TMEM236: variants seen among roughly 807,000 people sequenced by gnomAD.
The protein encoded by TMEM236 is family with sequence similarity 23, member A.
In TMEM236, 11 loss-of-function variants were observed where a neutral mutation model predicts 14.7. The observed-to-expected ratio is 0.75, with a 90% CI of 0.47 to 1.24. The LOEUF is 1.24. Ranked by LOEUF, TMEM236 falls within the 50% of genes most tolerant of loss-of-function variation. The pLI is 0.00. For synonymous variants in TMEM236, 182 were observed against 168.6 expected, an observed-to-expected ratio of 1.08 and a Z score of -0.62; for missense variants, 464 against 427.3, an observed-to-expected ratio of 1.09 and a Z score of -0.76.
Position 17,767,968 on chromosome 10 carries a change from G to GGCGTGATCTTGGCTT in TMEM236, c.258-3338_258-3324dup, listed in dbSNP as rs1405386531. On this transcript the variant is annotated intron_variant, in intron 1 of 3. Transcript: ENST00000377495. ...TCTGTCACCCAGGCTGGAGTGCAGT[G>GGCGTGATCTTGGCTT]GCGTGATCTTGGCTTGCTGCAACCT... 1.3e-3 allele frequency among the ~76,000 whole-genome samples: 195 copies of GGCGTGATCTTGGCTT among 149,988 alleles called. 1 individual carries two copies. The highest frequency in any genetic ancestry group is 3.5e-3 in the Admixed American group (53 of 15,046).
chr10:17,785,942 A>T (rs1589151098), intron 3 of TMEM236, among the ~76,000 whole-genome samples: 1 of 152,270 alleles, frequency 6.6e-6, no homozygotes, highest in Admixed American at 6.5e-5. Flanking sequence ...GACCCATGAG[A>T]TTGGGCCAAA....
chr10:17,767,728 A>C (rs1248518016), intron 1 of TMEM236, among the ~76,000 whole-genome samples: 2 of 152,150 alleles, frequency 1.3e-5, no homozygotes, highest in Non-Finnish European at 2.9e-5. Flanking sequence ...GGATGTTGGT[A>C]ACAAACCACA....
At chr10:17,781,745 C>CAAA (rs67839025) in intron 3 of TMEM236, among the ~76,000 whole-genome samples, 66 of 96,802 alleles carry the variant, frequency 6.8e-4, no homozygotes, top group Non-Finnish European at 9.9e-4. Context: ...ACCTCTGTCT[C>CAAA]AAAAAAAAAA....
chr10:17,762,574 C>CAT lies in TMEM236; in HGVS notation c.258-8691_258-8690dup, dbSNP rs878958449. On this transcript the variant is annotated intron_variant, in intron 1 of 3. Transcript: ENST00000377495. Reference sequence around the variant, plus strand: ...GGTATATATTTACCTATCTGAATTTCATATATATATATATATATATATATA... The same window carrying CAT: ...GGTATATATTTACCTATCTGAATTTCATATATATATATATATATATATATATA... Among the ~76,000 whole-genome samples, 106 of 53,008 alleles carry CAT rather than the reference C, an allele frequency of 2.0e-3. 2 individuals carry two copies. Among genetic ancestry groups the CAT allele is most frequent in the Non-Finnish European group, 2.6e-3 (70 of 26,520 alleles). The allele number at this position is 53,008 out of a possible 152,430, so 34.8% of individuals were successfully genotyped here. A position where few individuals can be genotyped will look rare whatever the true frequency, so the allele number is the denominator to read the frequency against.
chr10:17,796,691 A>ATATACAAATG lies in TMEM236; in HGVS notation c.*187_*188insTATACAAATG. 1 of 610,440 alleles carries ATATACAAATG rather than the reference A, an allele frequency of 1.6e-6. No homozygotes were observed. 37.8% of individuals were successfully genotyped at this position (610,440 alleles called of 1,614,324 possible). A position where few individuals can be genotyped will look rare whatever the true frequency, so the allele number is the denominator to read the frequency against. On this transcript the variant is annotated 3_prime_UTR_variant, in exon 4 of 4. Coordinates refer to ENST00000377495, the MANE Select transcript of TMEM236 (RefSeq NM_001098844.3). ...ACATATACAAATGGTGCTAAATTTA[A>ATATACAAATG]GTAAAGTAATATTCTTATAAGTTGG... is the stretch of plus-strand genomic sequence containing the variant.
At position 17,796,006 on chromosome 10, in the gene TMEM236, T is replaced by C. The variant is rs1339050148; in HGVS notation, c.558T>C (p.Ala186=). Residue 186 remains alanine (A), a synonymous_variant, in exon 4 of 4, where the codon GCT becomes GCC. Transcript: ENST00000377495. ...AAGTGAGGCAAAGTCCAGAAAACGC[T>C]GCATCTCCCCAGGCAACCAACAGCA... ...TEQVRQSPEN[A]ASPQATNSTQ... is the part of the protein sequence containing the mutation. The C allele has an allele frequency of 4.3e-6, 7 of 1,613,802 alleles. No homozygotes were observed. The highest frequency in any genetic ancestry group is 4.5e-5 in the East Asian group (2 of 44,888).
chr10:17,763,476 C>T (rs1554834157), intron 1 of TMEM236, among the ~76,000 whole-genome samples: 1 of 152,104 alleles, frequency 6.6e-6, no homozygotes, highest in African/African-American at 2.4e-5. Context: ...AGGGAGATGT[C>T]CTATTTGATT....
At chr10:17,759,978 G>A (rs1256135473) in intron 1 of TMEM236, among the ~76,000 whole-genome samples, 1 of 74,954 alleles carries the variant, frequency 1.3e-5, no homozygotes, top group Non-Finnish European at 2.3e-5. Flanking sequence ...GCGAGACTCC[G>A]TCTCAAAAAA....
chr10:17,771,499 T>C (rs1216618289), intron 2 of TMEM236, 118 bp downstream of exon 2: 1 of 968,908 alleles, frequency 1.0e-6, no homozygotes, highest in Non-Finnish European at 1.7e-6. Flanking sequence ...AATCCAATCT[T>C]CTTCCAGGTT....
At position 17,773,184 on chromosome 10, in the gene TMEM236, T is replaced by A. The variant is rs934204468; in HGVS notation, c.330+1803T>A. 4.1e-3 allele frequency among the ~76,000 whole-genome samples: 623 copies of A among 152,342 alleles called. 5 individuals are homozygous for A. Among genetic ancestry groups the A allele is most frequent in the African/African-American group, 0.014 (590 of 41,592 alleles). The stretch of plus-strand genomic sequence containing the variant: ...TGAGCAAGCATTTCTGTTGGTTATG[T>A]ATGCAGGAGCAGAACTGATGGATCA... On this transcript the variant is annotated intron_variant, in intron 2 of 3. Transcript: ENST00000377495.
rs1837223122 is a variant in TMEM236, at chr10:17,752,465, A to G, written c.170A>G (p.Tyr57Cys). ...CTGATCATCTCCTGTTCTATTGCCT[A>G]TGTTGCGTTAGTGACTCTACTGATC... is the stretch of plus-strand genomic sequence containing the variant. ...YWLIISCSIA[Y>C]VALVTLLIWV... Residue 57 changes from tyrosine (Y) to cysteine (C), a missense_variant, in exon 1 of 4, where the codon TAT becomes TGT. Physicochemically the swap from Tyr to Cys is radical, Grantham distance 194. Coordinates refer to ENST00000377495, the MANE Select transcript of TMEM236 (RefSeq NM_001098844.3). 3.7e-6 allele frequency: 6 copies of G among 1,613,924 alleles called. No individual in the cohort carries two copies. Among genetic ancestry groups the G allele is most frequent in the Admixed American group, 1.7e-5 (1 of 60,018 alleles).
At chr10:17,775,724 C>G (rs1336113133) in intron 2 of TMEM236, among the ~76,000 whole-genome samples, 3 of 152,192 alleles carry the variant, frequency 2.0e-5, no homozygotes, top group Non-Finnish European at 2.9e-5. Context: ...AAGCTCTGCT[C>G]AGCAGTAGAG....
rs1351332555 is a variant in TMEM236, at chr10:17,798,025, G to A, written c.*1521G>A. 6.4e-6 allele frequency: 1 copy of A among 156,042 alleles called. No homozygotes were observed. The highest frequency in any genetic ancestry group is 1.9e-4 in the South Asian group (1 of 5,206). 9.7% of individuals were successfully genotyped at this position (156,042 alleles called of 1,614,324 possible). A position where few individuals can be genotyped will look rare whatever the true frequency, so the allele number is the denominator to read the frequency against. On this transcript the variant is annotated 3_prime_UTR_variant, in exon 4 of 4. Coordinates refer to ENST00000377495, the MANE Select transcript of TMEM236 (RefSeq NM_001098844.3). ...GATACTATATCATGGATATATTGAT[G>A]TTATAAAATAATTAGATACAGAGTC...
intron 1 of TMEM236, among the ~76,000 whole-genome samples, chr10:17,766,550 T>G (rs1837467529): frequency 6.6e-6 from 1 of 152,220 alleles, no homozygotes. Flanking sequence ...CAACAGTCTC[T>G]TCAAGGCAAT....
chr10:17,767,265 A>C (rs954462279), intron 1 of TMEM236, among the ~76,000 whole-genome samples: 1 of 152,116 alleles, frequency 6.6e-6, no homozygotes, highest in Non-Finnish European at 1.5e-5. Context: ...GTTCCAGACC[A>C]GCCTGACCAA....
At chr10:17,784,978 G>A (rs1472387814) in intron 3 of TMEM236, among the ~76,000 whole-genome samples, 1 of 152,130 alleles carries the variant, frequency 6.6e-6, no homozygotes, top group African/African-American at 2.4e-5. Flanking sequence ...TTTCCTCACT[G>A]AGGCTCAGAA....
chr10:17,778,548 T>TA lies in TMEM236; in HGVS notation c.472+2386dup, dbSNP rs1208425137. 6.6e-5 allele frequency among the ~76,000 whole-genome samples: 10 copies of TA among 152,030 alleles called. No homozygotes were observed. The South Asian group carries it at 1.7e-3, about 25-fold the overall frequency. ...TTTCACTACAGGTGATACTTGCAAG[T>TA]AAAAAAAATTGACTAGAGGCGGGGG... On this transcript the variant is annotated intron_variant, in intron 3 of 3. Transcript: ENST00000377495.
chr10:17,780,583 C>T (rs1837729425), intron 3 of TMEM236, among the ~76,000 whole-genome samples: 1 of 152,064 alleles, frequency 6.6e-6, no homozygotes, highest in South Asian at 2.1e-4. Flanking sequence ...TGTAGGTAGA[C>T]ATGGTAAAGA....
At chr10:17,759,143 G>A (rs991510850) in intron 1 of TMEM236, among the ~76,000 whole-genome samples, 2 of 152,230 alleles carry the variant, frequency 1.3e-5, no homozygotes, top group Admixed American at 1.3e-4. Context: ...TAATAAACAA[G>A]TGAGATGGTT....
Sources: gnomAD v4.1 joint callset for allele counts (sites outside exome capture counted in the v4.1 genomes callset) on GRCh38, gnomAD v4.1.1 for gene constraint, MANE v1.5 for transcripts, NCBI Gene and HGNC (gene_info 2026-07-23, HGNC 2026-07-21) for gene names.